GSE1: variants seen among roughly 807,000 people sequenced by gnomAD.
GSE1 encodes the protein Gse1 coiled-coil protein, also known as genetic suppressor element 1.
In GSE1, 32 loss-of-function variants were observed where a neutral mutation model predicts 112.6. The observed-to-expected ratio is 0.28, with a 90% CI of 0.21 to 0.38. The LOEUF is 0.38. GSE1 is among the 10% of genes least tolerant of loss of function. The probability of loss-of-function intolerance (pLI) is 1.00; values close to 1 mark genes in which losing one functional copy is unlikely to be tolerated. For synonymous variants in GSE1, 1,115 were observed against 735.6 expected (o/e 1.52, Z -8.35); for missense variants, 2,348 against 1,699.2 (o/e 1.38, Z -6.71).
At chr16:85,252,364 T>A (rs879834645) in intron 1 of GSE1, among the ~76,000 whole-genome samples, 1 of 152,154 alleles carries the variant, frequency 6.6e-6, no homozygotes, top group Non-Finnish European at 1.5e-5. Context: ...AGTTCTGGAA[T>A]CTTCCTCCCT....
intron 2 of GSE1, among the ~76,000 whole-genome samples, chr16:85,462,392 C>T (rs1362382174): frequency 1.3e-5 from 2 of 151,982 alleles, no homozygotes; most frequent in East Asian, 3.9e-4. Flanking sequence ...GTTGCCTGCC[C>T]TCCTCTCCTG....
chr16:85,586,151 T>TCC, intron 1 of GSE1, among the ~76,000 whole-genome samples: 1 of 152,206 alleles, frequency 6.6e-6, no homozygotes, highest in Non-Finnish European at 1.5e-5. Context: ...TGTCCAGATT[T>TCC]CCCCTTGTTA....
intron 2 of GSE1, among the ~76,000 whole-genome samples, chr16:85,539,081 C>T (rs548878014): frequency 6.6e-5 from 10 of 152,368 alleles, no homozygotes; most frequent in African/African-American, 2.2e-4. Flanking sequence ...CTCCACACAG[C>T]TTTGCCCACT....
intron 1 of GSE1, among the ~76,000 whole-genome samples, chr16:85,205,921 A>G (rs1311122668): frequency 6.6e-6 from 1 of 152,176 alleles, no homozygotes; most frequent in African/African-American, 2.4e-5. Context: ...CAAGACAGAA[A>G]CGTGGTGTGC....
chr16:85,203,024 G>A (rs1336420027), intron 1 of GSE1, among the ~76,000 whole-genome samples: 3 of 149,064 alleles, frequency 2.0e-5, no homozygotes, highest in South Asian at 2.1e-4. Context: ...GAACATCTGT[G>A]TGTTCCTGGG....
At chr16:85,204,898 A>G (rs1326240178) in intron 1 of GSE1, among the ~76,000 whole-genome samples, 3 of 152,232 alleles carry the variant, frequency 2.0e-5, no homozygotes, top group African/African-American at 7.2e-5. Flanking sequence ...GACTGGGGAC[A>G]GACCACAAGC....
intron 1 of GSE1, among the ~76,000 whole-genome samples, chr16:85,584,521 T>C (rs1222523826): frequency 1.3e-5 from 2 of 152,224 alleles, no homozygotes; most frequent in Admixed American, 1.3e-4. Flanking sequence ...AGATCCAGGA[T>C]GCTGCTTTGA....
At chr16:85,222,628 C>T (rs1366023350) in intron 1 of GSE1, among the ~76,000 whole-genome samples, 2 of 152,186 alleles carry the variant, frequency 1.3e-5, no homozygotes, top group East Asian at 1.9e-4. Context: ...ATTTGGAAAT[C>T]GTAATGAATT....
intron 2 of GSE1, among the ~76,000 whole-genome samples, chr16:85,418,396 G>T (rs552841756): frequency 1.3e-5 from 2 of 152,200 alleles, no homozygotes; most frequent in Admixed American, 6.5e-5. Flanking sequence ...GCCTTTCCTG[G>T]CACACTGCTT....
chr16:85,507,055 C>T (rs191399680), intron 2 of GSE1, among the ~76,000 whole-genome samples: 13 of 152,220 alleles, frequency 8.5e-5, no homozygotes, highest in South Asian at 4.2e-4. Context: ...TGTGGGGTTG[C>T]GGTTTCTCCC....
intron 1 of GSE1, among the ~76,000 whole-genome samples, chr16:85,237,900 G>A (rs1048021773): frequency 2.6e-5 from 4 of 152,288 alleles, no homozygotes; most frequent in Admixed American, 6.5e-5. Flanking sequence ...GGCAAGACGG[G>A]CCTATCTGCT....
intron 1 of GSE1, among the ~76,000 whole-genome samples, chr16:85,259,127 C>T (rs1375554321): frequency 2.0e-5 from 3 of 152,172 alleles, no homozygotes; most frequent in Non-Finnish European, 2.9e-5. Flanking sequence ...GAGGGTTCTG[C>T]AGGGGCCACC....
At chr16:85,633,051 G>T (rs953696778) in intron 1 of GSE1, among the ~76,000 whole-genome samples, 1 of 152,080 alleles carries the variant, frequency 6.6e-6, no homozygotes, top group African/African-American at 2.4e-5. Context: ...GGCCGGGAGG[G>T]CCAGGTCAGC....
chr16:85,430,449 C>T (rs1390121540), intron 2 of GSE1, among the ~76,000 whole-genome samples: 1 of 152,174 alleles, frequency 6.6e-6, no homozygotes, highest in Non-Finnish European at 1.5e-5. Flanking sequence ...GAGCCAACTC[C>T]AAGAGGGACA....
At chr16:85,416,270 C>T (rs1204812795) in intron 2 of GSE1, among the ~76,000 whole-genome samples, 2 of 152,194 alleles carry the variant, frequency 1.3e-5, no homozygotes, top group Admixed American at 1.3e-4. Context: ...TCTTGGAACC[C>T]GGCTCGCCAG....
intron 6 of GSE1, 25 bp downstream of exon 6, chr16:85,655,942 C>A: frequency 6.4e-7 from 1 of 1,567,790 alleles, no homozygotes; most frequent in Non-Finnish European, 8.6e-7. Context: ...AGCCGAGGAG[C>A]CCCTCTGCCC....
intron 2 of GSE1, among the ~76,000 whole-genome samples, chr16:85,545,118 G>C (rs1244262636): frequency 1.3e-5 from 2 of 152,240 alleles, no homozygotes; most frequent in African/African-American, 2.4e-5. Flanking sequence ...CCCTCCAAAA[G>C]TGGCCCGTCT....
At chr16:85,504,346 A>G (rs1449458987) in intron 2 of GSE1, among the ~76,000 whole-genome samples, 1 of 152,228 alleles carries the variant, frequency 6.6e-6, no homozygotes, top group Non-Finnish European at 1.5e-5. Flanking sequence ...TAGAGGCAGA[A>G]TTGTGGAGCC....
At chr16:85,205,898 C>A (rs115830618) in intron 1 of GSE1, among the ~76,000 whole-genome samples, 1 of 152,198 alleles carries the variant, frequency 6.6e-6, no homozygotes, top group African/African-American at 2.4e-5. Context: ...TACTGAGTGC[C>A]GTCACGTGCC....
Sources: allele counts gnomAD v4.1 joint callset (sites outside exome capture counted in the v4.1 genomes callset), GRCh38; gene constraint gnomAD v4.1.1; transcripts MANE v1.5; gene names NCBI Gene and HGNC (gene_info 2026-07-23, HGNC 2026-07-21).